The following STK3 variants were observed in gnomAD, a reference collection of about 807,000 sequenced individuals.
STK3 encodes the protein serine/threonine kinase 3.
STK3 carries 41 observed loss-of-function variants against 58.0 expected under a neutral mutation model. The observed-to-expected ratio is 0.71, with a 90% confidence interval of 0.55 to 0.92. The LOEUF is 0.92. STK3 is among the 40% of genes least tolerant of loss of function. The pLI is 0.00. For synonymous variants in STK3, 170 were observed against 191.0 expected, an observed-to-expected ratio of 0.89 and a Z score of 0.91; for missense variants, 479 against 602.7, an observed-to-expected ratio of 0.79 and a Z score of 2.15.
intron 6 of STK3, among the ~76,000 whole-genome samples, chr8:98,667,789 A>G (rs1822482265): frequency 6.6e-6 from 1 of 152,074 alleles, no homozygotes; most frequent in Non-Finnish European, 1.5e-5. Context: ...CATGACAATC[A>G]TAACTTTTCC....
chr8:98,743,609 T>C (rs1308864746), intron 4 of STK3, among the ~76,000 whole-genome samples: 2 of 152,200 alleles, frequency 1.3e-5, no homozygotes, highest in Non-Finnish European at 2.9e-5. Flanking sequence ...GACTTAAACG[T>C]TAGACCTAAA....
At chr8:98,864,258 A>T (rs1298071389) in intron 3 of STK3, among the ~76,000 whole-genome samples, 7 of 150,594 alleles carry the variant, frequency 4.6e-5, no homozygotes, top group Non-Finnish European at 8.8e-5. Flanking sequence ...CCATTTTGTC[A>T]TCAATCTTCC....
At chr8:98,394,328 T>C (rs906176631) in intron 3 of STK3, among the ~76,000 whole-genome samples, 1 of 152,164 alleles carries the variant, frequency 6.6e-6, no homozygotes, top group Non-Finnish European at 1.5e-5. Flanking sequence ...GCTACTCTGA[T>C]TGAACTTTTT....
At chr8:98,756,956 T>C (rs1830321925) in intron 3 of STK3, among the ~76,000 whole-genome samples, 1 of 152,132 alleles carries the variant, frequency 6.6e-6, no homozygotes, top group Non-Finnish European at 1.5e-5. Flanking sequence ...ATCCTAAACC[T>C]GTTTACCCTA....
At chr8:98,651,987 C>T (rs1473112385) in intron 6 of STK3, among the ~76,000 whole-genome samples, 5 of 151,950 alleles carry the variant, frequency 3.3e-5, no homozygotes, top group Non-Finnish European at 7.4e-5. Flanking sequence ...GAGAACGCCA[C>T]AAAGATACTC....
At chr8:98,597,835 A>C (rs1815962591) in intron 6 of STK3, 1 of 985,272 alleles carries the variant, frequency 1.0e-6, no homozygotes, top group African/African-American at 1.7e-5. Context: ...AAAAAAAAAA[A>C]ACACATATGA....
At chr8:98,839,877 A>G (rs1002733600) in intron 3 of STK3, among the ~76,000 whole-genome samples, 1 of 152,196 alleles carries the variant, frequency 6.6e-6, no homozygotes, top group Non-Finnish European at 1.5e-5. Flanking sequence ...AGTAAAAAAA[A>G]TAGATTTTTC....
At chr8:98,470,786 TA>T (rs1413487411) in intron 10 of STK3, among the ~76,000 whole-genome samples, 1 of 152,176 alleles carries the variant, frequency 6.6e-6, no homozygotes, top group East Asian at 1.9e-4. Context: ...GCTCTAAGTA[TA>T]AAAAACAAGA....
intron 1 of STK3, among the ~76,000 whole-genome samples, chr8:98,885,503 G>T (rs749837083): frequency 1.3e-5 from 2 of 152,178 alleles, no homozygotes; most frequent in African/African-American, 2.4e-5. Flanking sequence ...GCAATGGCGC[G>T]ATCTCGGCTC....
rs1184154932 is a variant in STK3 at position 98,884,530 on chromosome 8, A to G, written c.-78-696T>C. Among the ~76,000 whole-genome samples the G allele has an allele frequency of 3.9e-5, 6 of 152,340 alleles. No homozygotes were observed. In the South Asian group the frequency reaches 1.2e-3, roughly 32 times the overall value. On this transcript the variant is annotated intron_variant, in intron 1 of 1. Coordinates refer to the STK3 transcript ENST00000519420. ...TACAGACCTTATTTAAATTTTGTCA[A>G]CTGTCCTATTAATTTTCTTTTCCTG...
At chr8:98,381,295 A>G (rs1026244062) in intron 1 of STK3, among the ~76,000 whole-genome samples, 1 of 151,990 alleles carries the variant, frequency 6.6e-6, no homozygotes, top group African/African-American at 2.4e-5. Flanking sequence ...TAATTTTACC[A>G]TTTTGTTGAC....
chr8:98,587,544 T>C (rs973907862), intron 7 of STK3, among the ~76,000 whole-genome samples: 2 of 151,930 alleles, frequency 1.3e-5, no homozygotes, highest in Non-Finnish European at 2.9e-5. Flanking sequence ...GGAATAGGAG[T>C]GGTGTGGTGC....
At chr8:98,497,661 A>G (rs1823240949) in intron 10 of STK3, among the ~76,000 whole-genome samples, 1 of 152,202 alleles carries the variant, frequency 6.6e-6, no homozygotes, top group African/African-American at 2.4e-5. Context: ...CTCCAAAGAC[A>G]ATGTGCAAAT....
In STK3 at chr8:98,815,511, C is replaced by A. The variant is rs184804597; in HGVS notation, c.26+10004G>T. ...TATACAAGATGGGCCCCAAATATCA[C>A]AGCAGACAACAAGGAAACTATCAAA... On this transcript the variant is annotated intron_variant, in intron 1 of 10. Transcript: ENST00000419617. Among the ~76,000 whole-genome samples, 16 of 152,250 alleles carry A rather than the reference C, an allele frequency of 1.1e-4. No individual in the cohort carries two copies. The East Asian group carries it at 2.9e-3, about 27-fold the overall frequency.
intron 10 of STK3, among the ~76,000 whole-genome samples, chr8:98,457,682 T>C (rs1426583676): frequency 6.6e-6 from 1 of 152,134 alleles, no homozygotes; most frequent in East Asian, 1.9e-4. Context: ...GCAAATAACA[T>C]GACGTAAACG....
intron 6 of STK3, among the ~76,000 whole-genome samples, chr8:98,697,357 T>C (rs1336559123): frequency 6.6e-6 from 1 of 152,242 alleles, no homozygotes; most frequent in African/African-American, 2.4e-5. Flanking sequence ...CTCTATTTCC[T>C]TCAGTTCTAC....
chr8:98,675,082 A>G, intron 6 of STK3, among the ~76,000 whole-genome samples: 1 of 152,244 alleles, frequency 6.6e-6, no homozygotes, highest in South Asian at 2.1e-4. Context: ...AGCTCCTTAA[A>G]ACAGCCAAAT....
rs145577126 is a variant in STK3 at position 98,811,124 on chromosome 8, T to G, written c.26+14391A>C. The stretch of plus-strand genomic sequence containing the variant: ...GCAACACAAAACAGACTAATACAAT[T>G]GGTATCTGCCCTCTAGATCTTTTAG... On this transcript the variant is annotated intron_variant, in intron 1 of 10. Transcript: ENST00000419617. Among the ~76,000 whole-genome samples, 1,317 of 152,272 alleles carry G rather than the reference T, an allele frequency of 8.6e-3. 12 individuals carry two copies. Among genetic ancestry groups the G allele is most frequent in the African/African-American group, 0.03 (1,240 of 41,528 alleles).
intron 4 of STK3, among the ~76,000 whole-genome samples, chr8:98,713,825 A>C (rs2131132413): frequency 6.6e-6 from 1 of 152,258 alleles, no homozygotes; most frequent in South Asian, 2.1e-4. Flanking sequence ...ACACAACAAA[A>C]AAAAAAGAGA....
Sources: allele counts gnomAD v4.1 joint callset (sites outside exome capture counted in the v4.1 genomes callset), GRCh38; gene constraint gnomAD v4.1.1; transcripts MANE v1.5; gene names NCBI Gene and HGNC (gene_info 2026-07-23, HGNC 2026-07-21).